Variants in TEKT5 observed in about 807,000 individuals in gnomAD.
The protein encoded by TEKT5 is tektin 5, also known as tektin-5.
TEKT5 carries 52 observed loss-of-function variants against 48.7 expected under a neutral mutation model. The ratio of observed to expected loss-of-function variants is 1.07; its 90% confidence interval spans 0.86 to 1.35. The LOEUF (loss-of-function observed/expected upper bound fraction) is 1.35. Ranked by LOEUF, TEKT5 falls within the 40% of genes most tolerant of loss-of-function variation. The pLI, the probability that TEKT5 is intolerant of heterozygous loss-of-function variation, is 0.00. For missense variants in TEKT5, 831 were observed against 641.6 expected, an observed-to-expected ratio of 1.30 and a Z score of -3.19; for synonymous variants, 318 against 267.6, an observed-to-expected ratio of 1.19 and a Z score of -1.84.
chr16:10,679,191 A>G (rs1898702012), intron 4 of TEKT5, among the ~76,000 whole-genome samples: 1 of 152,190 alleles, frequency 6.6e-6, no homozygotes, highest in Non-Finnish European at 1.5e-5. Flanking sequence ...TTTATTATTC[A>G]TGAGATGTTG....
chr16:10,660,463 C>T lies in TEKT5; in HGVS notation c.1086+15496G>A, dbSNP rs1596409477. 3.3e-5 allele frequency among the ~76,000 whole-genome samples: 5 copies of T among 152,168 alleles called. No homozygotes were observed. In the South Asian group the frequency reaches 8.3e-4, roughly 25 times the overall value. ...AGGAGGCCCAGGTTCCCATCTCAGC[C>T]CTAACACAAACCAACTGTGGGGCCC... On this transcript the variant is annotated intron_variant, in intron 5 of 6. Coordinates refer to ENST00000283025, the MANE Select transcript of TEKT5 (RefSeq NM_144674.2).
At chr16:10,651,021 G>A (rs1898147941) in intron 5 of TEKT5, among the ~76,000 whole-genome samples, 1 of 152,222 alleles carries the variant, frequency 6.6e-6, no homozygotes, top group African/African-American at 2.4e-5. Context: ...ACGGCTGCAT[G>A]GGCTGGCCAG....
rs1047445631 is a variant in TEKT5, at chr16:10,635,983, T to TG, written c.1087-66dup. 27 of 1,583,690 alleles carry TG rather than the reference T, an allele frequency of 1.7e-5. No individual in the cohort carries two copies. The African/African-American group carries it at 3.0e-4, about 17-fold the overall frequency. On this transcript the variant is annotated intron_variant, in intron 5 of 6. Transcript: ENST00000283025. ...TTCTGACCTCCTCTGACTGGGGGCC[T>TG]GGGGGGAGCAAGTCAGCTAGGTCAG...
At chr16:10,682,340 T>TG (rs1898771965) in intron 3 of TEKT5, among the ~76,000 whole-genome samples, 1 of 151,902 alleles carries the variant, frequency 6.6e-6, no homozygotes, top group Non-Finnish European at 1.5e-5. Context: ...CTTTTTTTTT[T>TG]GTTTCCAGAC....
chr16:10,631,097 C>A (rs1362651936), intron 6 of TEKT5, among the ~76,000 whole-genome samples: 1 of 151,174 alleles, frequency 6.6e-6, no homozygotes, highest in African/African-American at 2.4e-5. Flanking sequence ...CACACACACA[C>A]ACACAAAAAT....
chr16:10,667,721 A>C (rs1215063612), intron 5 of TEKT5, among the ~76,000 whole-genome samples: 1 of 152,178 alleles, frequency 6.6e-6, no homozygotes, highest in Non-Finnish European at 1.5e-5. Flanking sequence ...CCATCTACAT[A>C]ATCATTTAAT....
rs952707939 is a variant in TEKT5, at chr16:10,666,300, G to C, written c.1086+9659C>G. Among the ~76,000 whole-genome samples the C allele has an allele frequency of 3.3e-5, 5 of 152,080 alleles. No individual in the cohort carries two copies. In the South Asian group the frequency reaches 8.3e-4, roughly 25 times the overall value. On this transcript the variant is annotated intron_variant, in intron 5 of 6. Coordinates refer to ENST00000283025, the MANE Select transcript of TEKT5 (RefSeq NM_144674.2). ...ACTCACGCAGATCTGAAGAATTCTG[G>C]AGGTCTTCTACCTCCTCAAACCCTC...
intron 5 of TEKT5, among the ~76,000 whole-genome samples, chr16:10,665,292 C>G (rs1898439319): frequency 6.6e-6 from 1 of 152,178 alleles, no homozygotes; most frequent in Non-Finnish European, 1.5e-5. Flanking sequence ...CCAGGCTGCA[C>G]CTTATATTCT....
At chr16:10,680,611 A>G (rs1415287271) in intron 4 of TEKT5, among the ~76,000 whole-genome samples, 1 of 152,042 alleles carries the variant, frequency 6.6e-6, no homozygotes, top group African/African-American at 2.4e-5. Context: ...AGCCAACCCA[A>G]ATGTCCAACG....
At position 10,629,282 on chromosome 16, in the gene TEKT5, G is replaced by A. The variant is rs537396723; in HGVS notation, c.1242-1483C>T. Among the ~76,000 whole-genome samples the A allele has an allele frequency of 1.1e-4, 16 of 149,346 alleles. No individual in the cohort carries two copies. In the South Asian group the frequency reaches 3.0e-3, roughly 28 times the overall value. On this transcript the variant is annotated intron_variant, in intron 6 of 6. Transcript: ENST00000283025. ...TTTTTTTTTTTTGAGATGGAGTCTC[G>A]CCCTGTCATCCAGGCTGGAGTGCAG...
intron 5 of TEKT5, among the ~76,000 whole-genome samples, chr16:10,673,794 G>T (rs926929384): frequency 6.6e-6 from 1 of 151,608 alleles, no homozygotes; most frequent in Non-Finnish European, 1.5e-5. Context: ...GGAATTACAG[G>T]TGCATGCCAC....
chr16:10,639,079 G>A (rs115853784), intron 5 of TEKT5, among the ~76,000 whole-genome samples: 3,336 of 152,066 alleles, frequency 0.022, 125 homozygotes, highest in African/African-American at 0.077. Flanking sequence ...CCAAAGTGGT[G>A]GAATCACTTG....
intron 5 of TEKT5, among the ~76,000 whole-genome samples, chr16:10,646,993 G>A (rs1016952264): frequency 1.3e-5 from 2 of 152,138 alleles, no homozygotes; most frequent in African/African-American, 2.4e-5. Context: ...CCCTTAGAAT[G>A]CACCACTTCA....
In TEKT5 at chr16:10,694,740, C is replaced by T. The variant is rs200168785; in HGVS notation, c.134G>A (p.Arg45His). 145 of 1,614,028 alleles carry T rather than the reference C, an allele frequency of 9.0e-5. No individual in the cohort carries two copies. The highest frequency in any genetic ancestry group is 1.1e-4 in the Non-Finnish European group (128 of 1,179,968). The change falls in exon 1 of 7, where the codon CGC (arginine) becomes CAC (histidine). Residue 45 changes from arginine to histidine, a missense_variant. Coordinates refer to ENST00000283025, the MANE Select transcript of TEKT5 (RefSeq NM_144674.2). ...GCTAGGCCTCCATGAATTGAGGTAG[C>T]GGTACCCGGGCAGGTAGTAGGGCTG... ...CYQPYYLPGY[R>H]YLNSWRPSLF...
At chr16:10,657,122 T>G (rs559095827) in intron 5 of TEKT5, among the ~76,000 whole-genome samples, 1 of 140,268 alleles carries the variant, frequency 7.1e-6, no homozygotes, top group African/African-American at 3.2e-5. Context: ...GGTCTGCCTT[T>G]TTTTTTTTTT....
chr16:10,668,926 C>T (rs1335658419), intron 5 of TEKT5, among the ~76,000 whole-genome samples: 1 of 152,156 alleles, frequency 6.6e-6, no homozygotes, highest in East Asian at 1.9e-4. Flanking sequence ...ACTGGAGCAC[C>T]TGACCCAAAG....
chr16:10,659,615 C>G (rs564409910), intron 5 of TEKT5, among the ~76,000 whole-genome samples: 2 of 152,274 alleles, frequency 1.3e-5, no homozygotes, highest in South Asian at 4.1e-4. Flanking sequence ...CCCGCCTCAA[C>G]CTCCCAAAGT....
intron 5 of TEKT5, among the ~76,000 whole-genome samples, chr16:10,659,465 T>C (rs57159468): frequency 0.37 from 56,556 of 152,014 alleles, 11,576 homozygotes; most frequent in African/African-American, 0.54. Flanking sequence ...CTGCAAGCTC[T>C]GCCTCCCGAG....
At chr16:10,639,001 G>C (rs888097705) in intron 5 of TEKT5, among the ~76,000 whole-genome samples, 10 of 152,106 alleles carry the variant, frequency 6.6e-5, no homozygotes, top group Admixed American at 5.9e-4. Flanking sequence ...GGGTCCCAAA[G>C]GCACCTTCAA....
Sources: gnomAD v4.1 joint callset for allele counts (sites outside exome capture counted in the v4.1 genomes callset) on GRCh38, gnomAD v4.1.1 for gene constraint, MANE v1.5 for transcripts, NCBI Gene and HGNC (gene_info 2026-07-23, HGNC 2026-07-21) for gene names.